LYPD6B: variants seen among roughly 807,000 people sequenced by gnomAD.
LYPD6B encodes LY6/PLAUR domain containing 6B, also known as ly6/PLAUR domain-containing protein 6B.
Under a neutral mutation model 22.8 loss-of-function variants are expected in LYPD6B, and 17 were observed. That is an observed-to-expected ratio of 0.75 (90% CI 0.51 to 1.12). The LOEUF (loss-of-function observed/expected upper bound fraction) is 1.12, where lower values mean the gene tolerates loss of function less well. Ranked by LOEUF, LYPD6B falls within the 50% of genes most tolerant of loss-of-function variation. The probability of loss-of-function intolerance (pLI) is 0.00; values close to 1 mark genes in which losing one functional copy is unlikely to be tolerated. For missense variants in LYPD6B, 221 were observed against 258.3 expected (o/e 0.86, Z 0.99); for synonymous variants, 106 against 91.6 (o/e 1.16, Z -0.90).
chr2:149,212,762 C>T (rs973148159), intron 5 of LYPD6B, among the ~76,000 whole-genome samples: 9 of 152,126 alleles, frequency 5.9e-5, no homozygotes, highest in African/African-American at 2.2e-4. Flanking sequence ...AGGATGAGCG[C>T]CCATTTACGT....
intron 1 of LYPD6B, among the ~76,000 whole-genome samples, chr2:149,088,095 T>TC (rs11462284): frequency 0.55 from 79,787 of 144,118 alleles, 22,701 homozygotes; most frequent in Admixed American, 0.64. Context: ...CTCCTGTTGC[T>TC]CCCCCCACCC....
chr2:149,047,802 G>T (rs1252147818), intron 1 of LYPD6B, among the ~76,000 whole-genome samples: 3 of 151,948 alleles, frequency 2.0e-5, no homozygotes, highest in Non-Finnish European at 2.9e-5. Context: ...CACTCCATTC[G>T]TTTTTTGCTT....
chr2:149,163,201 A>G (rs1690196393), intron 3 of LYPD6B, among the ~76,000 whole-genome samples: 1 of 152,116 alleles, frequency 6.6e-6, no homozygotes, highest in African/African-American at 2.4e-5. Context: ...AACTCTCTTG[A>G]TTCATAACCT....
chr2:149,041,905 C>A (rs562783543), intron 1 of LYPD6B, among the ~76,000 whole-genome samples: 1 of 152,312 alleles, frequency 6.6e-6, no homozygotes, highest in African/African-American at 2.4e-5. Context: ...GTAATAGCAA[C>A]AGTGGCTCAC....
intron 3 of LYPD6B, among the ~76,000 whole-genome samples, chr2:149,199,301 G>A (rs1017819957): frequency 1.3e-5 from 2 of 152,196 alleles, no homozygotes; most frequent in Admixed American, 6.5e-5. Context: ...ATTGGTAAAT[G>A]TAGAACCAGA....
intron 1 of LYPD6B, among the ~76,000 whole-genome samples, chr2:149,096,814 A>G (rs1484272486): frequency 1.3e-5 from 2 of 152,212 alleles, no homozygotes; most frequent in African/African-American, 2.4e-5. Context: ...GCAGAAGGGA[A>G]CAAACAAAAT....
At chr2:149,187,108 A>G (rs1279761922) in intron 3 of LYPD6B, among the ~76,000 whole-genome samples, 2 of 152,228 alleles carry the variant, frequency 1.3e-5, no homozygotes, top group Admixed American at 1.3e-4. Flanking sequence ...GTGTAAACAT[A>G]ACTTTTGTCT....
intron 5 of LYPD6B, among the ~76,000 whole-genome samples, chr2:149,211,030 C>T (rs964288114): frequency 6.6e-6 from 1 of 152,128 alleles, no homozygotes. Context: ...GCTCAGGAAA[C>T]TTACAATCAT....
intron 3 of LYPD6B, among the ~76,000 whole-genome samples, chr2:149,182,873 G>A (rs1374189770): frequency 1.3e-5 from 2 of 152,212 alleles, no homozygotes; most frequent in African/African-American, 2.4e-5. Flanking sequence ...ATGAGAAAAT[G>A]TTCCTGTATT....
At chr2:149,198,823 G>C (rs978354335) in intron 3 of LYPD6B, among the ~76,000 whole-genome samples, 1 of 152,020 alleles carries the variant, frequency 6.6e-6, no homozygotes, top group Non-Finnish European at 1.5e-5. Context: ...AAATGTGATG[G>C]GACTGCTGTA....
intron 1 of LYPD6B, among the ~76,000 whole-genome samples, chr2:149,120,039 T>C (rs1410253584): frequency 6.6e-6 from 1 of 152,004 alleles, no homozygotes; most frequent in Middle Eastern, 3.2e-3. Flanking sequence ...TGAAGTTAAA[T>C]GTTCTGCTTA....
At chr2:149,053,580 G>A (rs948827675) in intron 1 of LYPD6B, among the ~76,000 whole-genome samples, 5 of 152,150 alleles carry the variant, frequency 3.3e-5, no homozygotes, top group Admixed American at 2.6e-4. Context: ...ATTTAATTGA[G>A]ATATAATACA....
At chr2:149,050,029 A>G (rs1002399516) in intron 1 of LYPD6B, among the ~76,000 whole-genome samples, 3 of 152,186 alleles carry the variant, frequency 2.0e-5, no homozygotes, top group African/African-American at 4.8e-5. Context: ...CACAGAAGGT[A>G]CTAGACTCAA....
intron 3 of LYPD6B, 159 bp from the exon 4 acceptor site, chr2:149,205,094 T>A (rs1225025949): frequency 1.4e-6 from 1 of 693,492 alleles, no homozygotes; most frequent in African/African-American, 1.8e-5. Context: ...TACCTTTCAT[T>A]TGATCAAAAA....
At chr2:149,075,770 A>G (rs1304223216) in intron 1 of LYPD6B, among the ~76,000 whole-genome samples, 2 of 152,234 alleles carry the variant, frequency 1.3e-5, no homozygotes, top group African/African-American at 2.4e-5. Flanking sequence ...TAGATGCCTA[A>G]TAAATGCTTC....
chr2:149,064,020 AT>A (rs1345149159), intron 1 of LYPD6B, among the ~76,000 whole-genome samples: 1 of 152,264 alleles, frequency 6.6e-6, no homozygotes, highest in Non-Finnish European at 1.5e-5. Flanking sequence ...TAGATGCGGA[AT>A]TTAATAGCTA....
At chr2:149,103,628 C>A (rs565420416) in intron 1 of LYPD6B, among the ~76,000 whole-genome samples, 104 of 152,118 alleles carry the variant, frequency 6.8e-4, no homozygotes, top group Non-Finnish European at 1.2e-3. Flanking sequence ...TTTCTCTTGC[C>A]CCTTGGAAAT....
chr2:149,039,598 T>C (rs1682976303), intron 1 of LYPD6B, among the ~76,000 whole-genome samples: 1 of 152,258 alleles, frequency 6.6e-6, no homozygotes, highest in African/African-American at 2.4e-5. Flanking sequence ...GTAAAATAGG[T>C]ATTATTAATA....
chr2:149,125,243 A>G (rs1053767954), intron 1 of LYPD6B, among the ~76,000 whole-genome samples: 4 of 152,176 alleles, frequency 2.6e-5, no homozygotes, highest in Non-Finnish European at 5.9e-5. Flanking sequence ...GCCAAAGTCA[A>G]ACAACGCCTG....
Sources: gnomAD v4.1 joint callset for allele counts (sites outside exome capture counted in the v4.1 genomes callset) on GRCh38, gnomAD v4.1.1 for gene constraint, MANE v1.5 for transcripts, NCBI Gene and HGNC (gene_info 2026-07-23, HGNC 2026-07-21) for gene names.